Variants in MACROD2 observed in about 807,000 individuals in gnomAD.
The protein encoded by MACROD2 is ADP-ribose glycohydrolase MACROD2.
In MACROD2, 36 loss-of-function variants were observed where a neutral mutation model predicts 70.4. That is an observed-to-expected ratio of 0.51 (90% CI 0.39 to 0.68). MACROD2 has a LOEUF of 0.68. Ranked by LOEUF, MACROD2 falls within the 30% of genes least tolerant of loss-of-function variation. The pLI is 0.00. For missense variants in MACROD2, 496 were observed against 538.4 expected, an observed-to-expected ratio of 0.92 and a Z score of 0.78; for synonymous variants, 172 against 178.8, an observed-to-expected ratio of 0.96 and a Z score of 0.30.
chr20:14,561,025 G>A (rs1428799625), intron 4 of MACROD2, among the ~76,000 whole-genome samples: 1 of 151,742 alleles, frequency 6.6e-6, no homozygotes, highest in Admixed American at 6.6e-5. Flanking sequence ...TCCAAATAAA[G>A]TTTTATTGCT....
At chr20:15,272,403 A>G (rs901559870) in intron 6 of MACROD2, among the ~76,000 whole-genome samples, 1 of 152,234 alleles carries the variant, frequency 6.6e-6, no homozygotes, top group Admixed American at 6.5e-5. Context: ...GTATTTTGTA[A>G]GAGGCTATTT....
intron 5 of MACROD2, among the ~76,000 whole-genome samples, chr20:15,088,433 A>G (rs867044717): frequency 1.2e-3 from 40 of 34,604 alleles, no homozygotes; most frequent in African/African-American, 2.7e-3. Context: ...ATATATATAT[A>G]TATATATATA....
In MACROD2 at chr20:15,233,979, TTATTTA is replaced by T. The variant is rs1319700077; in HGVS notation, c.540+3922_540+3927del. Among the ~76,000 whole-genome samples the T allele has an allele frequency of 4.3e-4, 21 of 48,990 alleles. 1 individual carries two copies. The highest frequency in any genetic ancestry group is 1.9e-3 in the African/African-American group (21 of 11,100). The allele number at this position is 48,990 out of a possible 152,430, so 32.1% of individuals were successfully genotyped here. On this transcript the variant is annotated intron_variant, in intron 6 of 17. Coordinates refer to ENST00000684519, the MANE Select transcript of MACROD2 (RefSeq NM_001351661.2). ...CCAAAAAATTTATTTTTATATATATTTATTTATATATATATATATATATATATATAT... is the reference window on the plus strand; with the variant it reads ...CCAAAAAATTTATTTTTATATATATTTATATATATATATATATATATATAT...
intron 8 of MACROD2, among the ~76,000 whole-genome samples, chr20:15,828,977 G>T (rs2064026458): frequency 6.6e-6 from 1 of 152,038 alleles, no homozygotes; most frequent in East Asian, 1.9e-4. Flanking sequence ...TAAAATGTTG[G>T]TGTTTCACCT....
intron 8 of MACROD2, among the ~76,000 whole-genome samples, chr20:15,755,823 G>C (rs2051339726): frequency 6.6e-6 from 1 of 152,188 alleles, no homozygotes. Context: ...CTGGCACTGG[G>C]TGGAGTGCCT....
intron 4 of MACROD2, among the ~76,000 whole-genome samples, chr20:14,506,787 A>G (rs981514374): frequency 2.1e-4 from 32 of 152,026 alleles, no homozygotes; most frequent in African/African-American, 7.5e-4. Flanking sequence ...TGCCTCCACT[A>G]AAAAATACAA....
At chr20:15,126,354 T>C (rs985309184) in intron 5 of MACROD2, among the ~76,000 whole-genome samples, 3 of 152,026 alleles carry the variant, frequency 2.0e-5, no homozygotes, top group Non-Finnish European at 4.4e-5. Context: ...CCAACACTTG[T>C]AGTTTTTGCT....
At chr20:14,036,141 CAAAA>C (rs1188474410) in intron 2 of MACROD2, among the ~76,000 whole-genome samples, 1 of 100,456 alleles carries the variant, frequency 1.0e-5, no homozygotes, top group Non-Finnish European at 2.1e-5. Flanking sequence ...GACTCCGTCT[CAAAA>C]AAAAAAAAAA....
At chr20:15,353,888 T>C (rs1036964397) in intron 6 of MACROD2, among the ~76,000 whole-genome samples, 1 of 122,032 alleles carries the variant, frequency 8.2e-6, no homozygotes, top group Non-Finnish European at 1.7e-5. Flanking sequence ...AGGAACACTT[T>C]TACACTGTTG....
chr20:15,278,928 A>T (rs1162387737), intron 6 of MACROD2, among the ~76,000 whole-genome samples: 2 of 152,148 alleles, frequency 1.3e-5, no homozygotes, highest in African/African-American at 2.4e-5. Flanking sequence ...ACTTTTCCTG[A>T]ATGTGAAATG....
chr20:15,599,108 T>C (rs12625726), intron 8 of MACROD2, among the ~76,000 whole-genome samples: 10,381 of 151,916 alleles, frequency 0.068, 504 homozygotes, highest in Middle Eastern at 0.14. Flanking sequence ...AGGCCGGCCG[T>C]GGTGGCTCAT....
chr20:14,005,586 C>T (rs1024223543), intron 2 of MACROD2, among the ~76,000 whole-genome samples: 17 of 151,528 alleles, frequency 1.1e-4, no homozygotes, highest in Non-Finnish European at 2.5e-4. Context: ...CTACAAGGGA[C>T]AATTCTTTCT....
chr20:14,794,838 G>A (rs1312359443), intron 5 of MACROD2, among the ~76,000 whole-genome samples: 2 of 152,122 alleles, frequency 1.3e-5, no homozygotes, highest in East Asian at 3.9e-4. Context: ...TAGAAAAACA[G>A]CAATTAAACA....
At chr20:15,411,828 G>A (rs17677688) in intron 6 of MACROD2, among the ~76,000 whole-genome samples, 13,461 of 152,234 alleles carry the variant, frequency 0.088, 648 homozygotes, top group Non-Finnish European at 0.11. Flanking sequence ...GGAAGCTGAA[G>A]CCCAGGATTA....
intron 3 of MACROD2, among the ~76,000 whole-genome samples, chr20:14,368,430 C>T (rs1352836142): frequency 6.6e-6 from 1 of 151,994 alleles, no homozygotes; most frequent in Non-Finnish European, 1.5e-5. Context: ...GTAGTCCCAG[C>T]TACTCAGGAG....
chr20:14,185,761 T>G (rs1430651430), intron 3 of MACROD2, among the ~76,000 whole-genome samples: 1 of 152,188 alleles, frequency 6.6e-6, no homozygotes, highest in Admixed American at 6.6e-5. Context: ...TCTTTTTAAC[T>G]TTCAGTCACC....
At chr20:14,156,434 G>C (rs893215019) in intron 3 of MACROD2, among the ~76,000 whole-genome samples, 3 of 152,084 alleles carry the variant, frequency 2.0e-5, no homozygotes, top group Non-Finnish European at 4.4e-5. Context: ...ATTTCCTCCA[G>C]GCTAGTAGCT....
At chr20:15,604,130 A>G (rs577031844) in intron 8 of MACROD2, among the ~76,000 whole-genome samples, 2 of 152,284 alleles carry the variant, frequency 1.3e-5, no homozygotes, top group South Asian at 2.1e-4. Context: ...GTGGAAGTAT[A>G]TGTACCACAT....
At chr20:15,041,026 C>T (rs2075352237) in intron 5 of MACROD2, among the ~76,000 whole-genome samples, 1 of 152,108 alleles carries the variant, frequency 6.6e-6, no homozygotes. Flanking sequence ...TGCAATTCAA[C>T]TAATTTACTG....
Sources: gnomAD v4.1 joint callset for allele counts (sites outside exome capture counted in the v4.1 genomes callset) on GRCh38, gnomAD v4.1.1 for gene constraint, MANE v1.5 for transcripts, NCBI Gene and HGNC (gene_info 2026-07-23, HGNC 2026-07-21) for gene names.